The following DNAJA3 variants were observed in gnomAD, a reference collection of about 807,000 sequenced individuals.
The protein encoded by DNAJA3 is DnaJ heat shock protein family (Hsp40) member A3, also known as dnaJ homolog subfamily A member 3, mitochondrial.
Under a neutral mutation model 54.9 loss-of-function variants are expected in DNAJA3, and 29 were observed. The ratio of observed to expected loss-of-function variants is 0.53; its 90% CI spans 0.39 to 0.72. The LOEUF (loss-of-function observed/expected upper bound fraction) is 0.72, where lower values mean the gene tolerates loss of function less well. DNAJA3 is among the 30% of genes least tolerant of loss of function. The pLI is 0.00. For missense variants in DNAJA3, 708 were observed against 639.4 expected (o/e 1.11, Z -1.16); for synonymous variants, 302 against 251.4 (o/e 1.20, Z -1.90).
intron 7 of DNAJA3, among the ~76,000 whole-genome samples, chr16:4,446,060 T>C (rs1029512419): frequency 2.6e-5 from 4 of 151,926 alleles, no homozygotes; most frequent in Admixed American, 2.6e-4. Context: ...TAGCTGGGAC[T>C]ACAGGCATGC....
intron 3 of DNAJA3, among the ~76,000 whole-genome samples, chr16:4,437,927 G>A (rs2056791312): frequency 6.6e-6 from 1 of 151,584 alleles, no homozygotes. Context: ...TAGAACTATG[G>A]TCTGGGCAAC....
chr16:4,446,933 C>T lies in DNAJA3; in HGVS notation c.1044C>T (p.Ser348=), dbSNP rs368716357. The change falls in exon 8 of 12, where the codon TCC becomes TCT. Residue 348 remains serine, a synonymous_variant. Coordinates refer to ENST00000262375, the MANE Select transcript of DNAJA3 (RefSeq NM_005147.6). Reference sequence around the variant, plus strand: ...GGAGGGACGGCGCAGACATCCACTCCGACCTCTTTATTTCTATAGCTCAGG... The same window carrying T: ...GGAGGGACGGCGCAGACATCCACTCTGACCTCTTTATTTCTATAGCTCAGG... ...VFRRDGADIH[S]DLFISIAQAL... 1.5e-5 allele frequency: 24 copies of T among 1,614,020 alleles called. No individual in the cohort carries two copies. The highest frequency in any genetic ancestry group is 9.3e-5 in the African/African-American group (7 of 74,900).
At chr16:4,455,007 T>C in intron 11 of DNAJA3, 80 bp downstream of exon 11, 2 of 1,000,272 alleles carry the variant, frequency 2.0e-6, no homozygotes, top group South Asian at 1.5e-5. Context: ...TTAACCAATA[T>C]TGTGCCCCCA....
At chr16:4,433,951 A>G (rs2056739127) in intron 1 of DNAJA3, 1 of 212,566 alleles carries the variant, frequency 4.7e-6, no homozygotes, top group Non-Finnish European at 9.4e-6. Flanking sequence ...TCATGCAGCT[A>G]ATAAAGACAT....
chr16:4,432,961 G>A (rs1360280266), intron 1 of DNAJA3, among the ~76,000 whole-genome samples: 8 of 151,622 alleles, frequency 5.3e-5, no homozygotes, highest in Admixed American at 5.3e-4. Context: ...CTAACACGGC[G>A]AAACCCCGTC....
In DNAJA3 at chr16:4,448,743, G is replaced by A. The variant is rs199799945; in HGVS notation, c.1136G>A (p.Gly379Glu). Residue 379 changes from glycine to glutamate, a missense_variant, in exon 9 of 12, where the codon GGG (glycine) becomes GAG (glutamate). Coordinates refer to ENST00000262375, the MANE Select transcript of DNAJA3 (RefSeq NM_005147.6). ...TTTCTTTCTTTATAGATCCCCCCTG[G>A]GACTCAGACAGACCAGAAGATTCGG... ...YETINVTIPPGTQTDQKIRMG... is the reference protein window; with the variant it reads ...YETINVTIPPETQTDQKIRMG... 2 of 1,613,794 alleles carry A rather than the reference G, an allele frequency of 1.2e-6. No individual in the cohort carries two copies. The highest frequency in any genetic ancestry group is 1.7e-6 in the Non-Finnish European group (2 of 1,179,784).
Position 4,450,421 on chromosome 16 carries a change from G to C in DNAJA3, c.1263G>C (p.Gln421His), listed in dbSNP as rs371687919. 1.2e-6 allele frequency: 2 copies of C among 1,611,024 alleles called. No homozygotes were observed. The highest frequency in any genetic ancestry group is 1.3e-5 in the African/African-American group (1 of 75,056). The change falls in exon 10 of 12, where the codon CAG (glutamine) becomes CAC (histidine). Residue 421 changes from glutamine (Q) to histidine (H), a missense_variant. Transcript: ENST00000262375. ...RVPKRLTSRQQSLILSYAEDE... is the reference protein window; with the variant it reads ...RVPKRLTSRQHSLILSYAEDE... ...ACAGGAGGCTAACGAGCCGGCAGCAGAGCCTGATCCTGAGCTACGCCGAGG... is the reference window on the plus strand; with the variant it reads ...ACAGGAGGCTAACGAGCCGGCAGCACAGCCTGATCCTGAGCTACGCCGAGG...
At chr16:4,441,245 C>T in intron 3 of DNAJA3, 130 bp from the exon 4 acceptor site, 1 of 810,340 alleles carries the variant, frequency 1.2e-6, no homozygotes, top group South Asian at 1.8e-5. Context: ...CCACCCCAAC[C>T]TCATAGGATG....
intron 3 of DNAJA3, 90 bp from the exon 4 acceptor site, chr16:4,441,282 ATGT>A: frequency 1.6e-6 from 2 of 1,226,412 alleles, no homozygotes. Context: ...CACTTAATAA[ATGT>A]TATGGCTGCC....
At chr16:4,429,930 G>T (rs1463269050) in intron 1 of DNAJA3, among the ~76,000 whole-genome samples, 1 of 152,000 alleles carries the variant, frequency 6.6e-6, no homozygotes, top group African/African-American at 2.4e-5. Flanking sequence ...CCAGAAGGTT[G>T]AGGCTGCAGT....
intron 1 of DNAJA3, among the ~76,000 whole-genome samples, chr16:4,432,152 A>G (rs2141371274): frequency 6.8e-6 from 1 of 146,832 alleles, no homozygotes; most frequent in East Asian, 2.0e-4. Context: ...ATTTACAAAC[A>G]TCTAGTATGT....
intron 7 of DNAJA3, among the ~76,000 whole-genome samples, 168 bp downstream of exon 7, chr16:4,444,896 T>C (rs1375674295): frequency 6.6e-6 from 1 of 152,166 alleles, no homozygotes; most frequent in East Asian, 1.9e-4. Context: ...TTTGTTACCT[T>C]CAAGATTCTG....
chr16:4,449,623 C>A (rs1022213632), intron 9 of DNAJA3: 12 of 151,890 alleles, frequency 7.9e-5, no homozygotes, highest in African/African-American at 2.9e-4. Flanking sequence ...GATCTGCCCA[C>A]CTTGACTTCC....
intron 1 of DNAJA3, among the ~76,000 whole-genome samples, chr16:4,432,659 A>T (rs34083611): frequency 5.3e-5 from 8 of 151,976 alleles, no homozygotes; most frequent in African/African-American, 1.9e-4. Flanking sequence ...TTCACTTTTT[A>T]AACAGATTTC....
At chr16:4,453,369 TGG>T (rs199734595) in intron 10 of DNAJA3, among the ~76,000 whole-genome samples, 5 of 151,910 alleles carry the variant, frequency 3.3e-5, no homozygotes, top group Admixed American at 2.6e-4. Flanking sequence ...GAGAGGGAAC[TGG>T]GGGGGCTTGC....
intron 1 of DNAJA3, chr16:4,427,036 G>A (rs138180426): frequency 1.3e-5 from 2 of 152,132 alleles, no homozygotes; most frequent in African/African-American, 4.8e-5. Flanking sequence ...TCCTGCCTCA[G>A]CCTCCCCAGT....
intron 2 of DNAJA3, among the ~76,000 whole-genome samples, chr16:4,435,264 A>G (rs1245456533): frequency 6.6e-6 from 1 of 151,996 alleles, no homozygotes; most frequent in Admixed American, 6.6e-5. Flanking sequence ...TAGTTAGGGT[A>G]GCTGAGTAAA....
intron 1 of DNAJA3, among the ~76,000 whole-genome samples, chr16:4,428,178 C>T (rs1395904664): frequency 6.6e-6 from 1 of 151,984 alleles, no homozygotes; most frequent in Non-Finnish European, 1.5e-5. Flanking sequence ...GTCTCGATCT[C>T]CTGAACTTGT....
chr16:4,428,827 C>G (rs2056655660), intron 1 of DNAJA3, among the ~76,000 whole-genome samples: 1 of 151,802 alleles, frequency 6.6e-6, no homozygotes, highest in South Asian at 2.1e-4. Flanking sequence ...TCACATGAGC[C>G]TAGCAGTTTG....
Sources: allele counts gnomAD v4.1 joint callset (sites outside exome capture counted in the v4.1 genomes callset), GRCh38; gene constraint gnomAD v4.1.1; transcripts MANE v1.5; gene names NCBI Gene and HGNC (gene_info 2026-07-23, HGNC 2026-07-21).